CXCL13: variants seen among roughly 807,000 people sequenced by gnomAD.
The protein encoded by CXCL13 is C-X-C motif chemokine 13.
In CXCL13, 7 loss-of-function variants were observed where a neutral mutation model predicts 12.2. The observed-to-expected ratio is 0.57, with a 90% CI of 0.33 to 1.07. The LOEUF (loss-of-function observed/expected upper bound fraction) is 1.07, where lower values mean the gene tolerates loss of function less well. Ranked by LOEUF, CXCL13 falls within the 50% of genes least tolerant of loss-of-function variation. The pLI is 0.04. For synonymous variants in CXCL13, 47 were observed against 42.4 expected (o/e 1.11, Z -0.42); for missense variants, 113 against 127.4 (o/e 0.89, Z 0.55).
At chr4:77,515,397 C>A (rs1045260047) in intron 1 of CXCL13, among the ~76,000 whole-genome samples, 1 of 152,104 alleles carries the variant, frequency 6.6e-6, no homozygotes, top group Non-Finnish European at 1.5e-5. Context: ...TTACCTTGGG[C>A]AGTATGGCCA....
Position 77,560,159 on chromosome 4 carries a change from T to C in CXCL13, c.-42-45665T>C, listed in dbSNP as rs78877637. ...CAGGCCCTGTGCAAGGGTATATATATGGATAATCTTTCATGAATGATCTCA... is the reference window on the plus strand; with the variant it reads ...CAGGCCCTGTGCAAGGGTATATATACGGATAATCTTTCATGAATGATCTCA... On this transcript the variant is annotated intron_variant, in intron 1 of 4. Coordinates refer to the CXCL13 transcript ENST00000286758. Among the ~76,000 whole-genome samples the C allele has an allele frequency of 6.6e-3, 1,000 of 152,312 alleles. 13 individuals carry two copies. Among genetic ancestry groups the C allele is most frequent in the African/African-American group, 0.023 (955 of 41,558 alleles).
At chr4:77,549,240 A>G (rs926846065) in intron 1 of CXCL13, among the ~76,000 whole-genome samples, 1 of 152,162 alleles carries the variant, frequency 6.6e-6, no homozygotes, top group Non-Finnish European at 1.5e-5. Context: ...CATTCTTCTA[A>G]TCTTTTTTCA....
At chr4:77,599,610 T>C (rs762425009) in intron 1 of CXCL13, among the ~76,000 whole-genome samples, 1 of 152,152 alleles carries the variant, frequency 6.6e-6, no homozygotes, top group Non-Finnish European at 1.5e-5. Flanking sequence ...GTCAAAGTGA[T>C]TGCAAAGAGT....
At chr4:77,544,373 A>G (rs770992252) in intron 1 of CXCL13, among the ~76,000 whole-genome samples, 6 of 152,146 alleles carry the variant, frequency 3.9e-5, no homozygotes, top group Non-Finnish European at 8.8e-5. Context: ...ACAGTGTAAA[A>G]GTGTTCCTAT....
chr4:77,600,998 G>A (rs1726868527), upstream of CXCL13, among the ~76,000 whole-genome samples: 2 of 152,086 alleles, frequency 1.3e-5, no homozygotes, highest in African/African-American at 4.8e-5. Context: ...CAGCACACAG[G>A]CAGGGTCTTC....
intron 2 of CXCL13, among the ~76,000 whole-genome samples, chr4:77,609,977 A>G (rs1326931883): frequency 6.6e-6 from 1 of 152,232 alleles, no homozygotes; most frequent in African/African-American, 2.4e-5. Flanking sequence ...GAAATAATCC[A>G]TGTTACCTGC....
chr4:77,547,421 G>A (rs538396605), intron 1 of CXCL13, among the ~76,000 whole-genome samples: 1 of 152,244 alleles, frequency 6.6e-6, no homozygotes, highest in South Asian at 2.1e-4. Flanking sequence ...CTCCTGTATT[G>A]GGTGCATATA....
At chr4:77,601,438 CCT>C (rs1245438993), upstream of CXCL13, among the ~76,000 whole-genome samples, 1 of 152,026 alleles carries the variant, frequency 6.6e-6, no homozygotes, top group African/African-American at 2.4e-5. Context: ...TAAAACACCC[CCT>C]GTGTAAAACT....
intron 1 of CXCL13, among the ~76,000 whole-genome samples, chr4:77,552,495 T>A (rs1725556324): frequency 6.6e-6 from 1 of 152,258 alleles, no homozygotes; most frequent in African/African-American, 2.4e-5. Flanking sequence ...CCTTGTTTAC[T>A]GAGAGAAGCT....
At chr4:77,559,563 T>C (rs1238908555) in intron 1 of CXCL13, among the ~76,000 whole-genome samples, 1 of 151,796 alleles carries the variant, frequency 6.6e-6, no homozygotes, top group Non-Finnish European at 1.5e-5. Context: ...CATCCACCTC[T>C]TTCTTCCATT....
intron 1 of CXCL13, among the ~76,000 whole-genome samples, chr4:77,594,182 A>G (rs1726688997): frequency 1.3e-5 from 2 of 152,198 alleles, no homozygotes; most frequent in Non-Finnish European, 2.9e-5. Flanking sequence ...TGAGTCATGC[A>G]TGTCTATCTC....
At chr4:77,531,345 A>G (rs1724912531) in intron 1 of CXCL13, among the ~76,000 whole-genome samples, 1 of 133,782 alleles carries the variant, frequency 7.5e-6, no homozygotes, top group Non-Finnish European at 1.5e-5. Flanking sequence ...TCATTGTTCA[A>G]TTCCTGTGAG....
intron 1 of CXCL13, among the ~76,000 whole-genome samples, chr4:77,541,364 T>C (rs1196083673): frequency 6.6e-6 from 1 of 152,172 alleles, no homozygotes; most frequent in Non-Finnish European, 1.5e-5. Context: ...CTAGGTTTTC[T>C]TCCAGGATTC....
At chr4:77,551,309 G>T (rs920882195) in intron 1 of CXCL13, among the ~76,000 whole-genome samples, 1 of 152,196 alleles carries the variant, frequency 6.6e-6, no homozygotes, top group Non-Finnish European at 1.5e-5. Flanking sequence ...TTGAAGGTTG[G>T]TCTAGTGGTA....
intron 2 of CXCL13, among the ~76,000 whole-genome samples, 157 bp downstream of exon 2, chr4:77,607,992 G>A (rs1045310728): frequency 3.3e-5 from 5 of 152,200 alleles, no homozygotes; most frequent in African/African-American, 1.2e-4. Context: ...ATAATTAAGA[G>A]CTTAGTTTGC....
At chr4:77,524,580 T>C (rs1486280904) in intron 1 of CXCL13, among the ~76,000 whole-genome samples, 1 of 152,164 alleles carries the variant, frequency 6.6e-6, no homozygotes, top group Non-Finnish European at 1.5e-5. Flanking sequence ...CGGGAAAAGT[T>C]CAGTATTTGG....
intron 1 of CXCL13, among the ~76,000 whole-genome samples, chr4:77,563,279 G>A (rs890958291): frequency 1.3e-5 from 2 of 152,150 alleles, no homozygotes; most frequent in Admixed American, 6.6e-5. Context: ...CAGTTCTCAA[G>A]CAAAGACCGA....
intron 1 of CXCL13, among the ~76,000 whole-genome samples, chr4:77,572,056 C>T (rs866616496): frequency 1.2e-4 from 18 of 151,854 alleles, no homozygotes; most frequent in Admixed American, 2.0e-4. Flanking sequence ...AGACTCCAGA[C>T]GCGCCACATT....
intron 1 of CXCL13, among the ~76,000 whole-genome samples, chr4:77,522,937 G>C (rs2110080951): frequency 6.6e-6 from 1 of 152,216 alleles, no homozygotes; most frequent in East Asian, 1.9e-4. Context: ...TTGCTTATCT[G>C]TAAAGGATTT....
Sources: allele counts gnomAD v4.1 joint callset (sites outside exome capture counted in the v4.1 genomes callset), GRCh38; gene constraint gnomAD v4.1.1; transcripts MANE v1.5; gene names NCBI Gene and HGNC (gene_info 2026-07-23, HGNC 2026-07-21).